Variants in IQSEC1 observed in about 807,000 individuals in gnomAD.
IQSEC1 encodes IQ motif and Sec7 domain ArfGEF 1.
In IQSEC1, 31 loss-of-function variants were observed where a neutral mutation model predicts 91.0. The ratio of observed to expected loss-of-function variants is 0.34; its 90% confidence interval spans 0.26 to 0.46. IQSEC1 has a LOEUF of 0.46. Ranked by LOEUF, IQSEC1 falls within the 20% of genes least tolerant of loss-of-function variation. The pLI, the probability that IQSEC1 is intolerant of heterozygous loss-of-function variation, is 1.00. For synonymous variants in IQSEC1, 699 were observed against 662.6 expected, an observed-to-expected ratio of 1.05 and a Z score of -0.84; for missense variants, 1,388 against 1,575.6, an observed-to-expected ratio of 0.88 and a Z score of 2.02.
intron 1 of IQSEC1, among the ~76,000 whole-genome samples, chr3:13,244,564 A>G (rs1695076690): frequency 6.6e-6 from 1 of 152,164 alleles, no homozygotes. Flanking sequence ...AACCCCAGAG[A>G]GTGGACTAGT....
intron 12 of IQSEC1, among the ~76,000 whole-genome samples, chr3:12,907,353 C>A (rs956041602): frequency 1.3e-5 from 2 of 152,124 alleles, no homozygotes; most frequent in African/African-American, 4.8e-5. Context: ...TAAGGTGGGG[C>A]AGGTGGGGCA....
intron 1 of IQSEC1, among the ~76,000 whole-genome samples, chr3:13,064,740 A>G (rs150954318): frequency 6.6e-6 from 1 of 152,388 alleles, no homozygotes; most frequent in East Asian, 1.9e-4. Context: ...TTAGATGTCA[A>G]GAGGAGTGAG....
chr3:12,928,692 G>A (rs1367624402), intron 3 of IQSEC1, among the ~76,000 whole-genome samples: 2 of 152,172 alleles, frequency 1.3e-5, no homozygotes, highest in Non-Finnish European at 2.9e-5. Context: ...ATCCACCTGT[G>A]CCCTGCCTCA....
At chr3:12,972,384 G>A (rs1272907618) in intron 1 of IQSEC1, among the ~76,000 whole-genome samples, 4 of 152,086 alleles carry the variant, frequency 2.6e-5, no homozygotes, top group Non-Finnish European at 5.9e-5. Flanking sequence ...AGGCTCTGAA[G>A]CCCACCAGAA....
chr3:13,217,223 GT>G (rs1353394489), intron 1 of IQSEC1, among the ~76,000 whole-genome samples: 1 of 152,192 alleles, frequency 6.6e-6, no homozygotes, highest in African/African-American at 2.4e-5. Flanking sequence ...GATTTACAAT[GT>G]TTTCTTCTCC....
At chr3:13,161,264 C>CT (rs1273818469) in intron 2 of IQSEC1, among the ~76,000 whole-genome samples, 1 of 152,170 alleles carries the variant, frequency 6.6e-6, no homozygotes, top group Non-Finnish European at 1.5e-5. Flanking sequence ...ACCAGGGCCA[C>CT]TGCCACAGTG....
intron 1 of IQSEC1, among the ~76,000 whole-genome samples, chr3:13,054,830 C>T (rs779929416): frequency 1.3e-4 from 20 of 152,358 alleles, no homozygotes; most frequent in Non-Finnish European, 2.2e-4. Context: ...TCGGGTCAGA[C>T]GGACCCTGTT....
chr3:13,017,723 G>A (rs1703205161), intron 1 of IQSEC1, among the ~76,000 whole-genome samples: 1 of 152,130 alleles, frequency 6.6e-6, no homozygotes, highest in African/African-American at 2.4e-5. Flanking sequence ...GCAGTCACTA[G>A]CAGAGATGGG....
At chr3:13,032,194 C>T (rs374659837) in intron 1 of IQSEC1, among the ~76,000 whole-genome samples, 1 of 152,192 alleles carries the variant, frequency 6.6e-6, no homozygotes, top group East Asian at 1.9e-4. Context: ...AAGACAAGAA[C>T]GTTTTCTGGC....
Position 13,262,826 on chromosome 3 carries a change from C to T in IQSEC1, c.272+19885G>A, listed in dbSNP as rs114465299. Among the ~76,000 whole-genome samples, 1,140 of 152,322 alleles carry T rather than the reference C, an allele frequency of 7.5e-3. 8 individuals carry two copies. The highest frequency in any genetic ancestry group is 0.023 in the African/African-American group (973 of 41,562). ...GCCACTCACAAAAGAACAAATATTGCAGGATTCTCCTTGTGTGCAGTCCCT... is the reference window on the plus strand; with the variant it reads ...GCCACTCACAAAAGAACAAATATTGTAGGATTCTCCTTGTGTGCAGTCCCT... On this transcript the variant is annotated intron_variant, in intron 1 of 15. Coordinates refer to the IQSEC1 transcript ENST00000648114.
At chr3:13,072,848 T>C in intron 1 of IQSEC1, 144 bp downstream of exon 1, 1 of 698,722 alleles carries the variant, frequency 1.4e-6, no homozygotes, top group Non-Finnish European at 2.5e-6. Flanking sequence ...AGCGCCGGCA[T>C]CCCTGCTGGG....
At chr3:13,068,579 A>G (rs2125105838) in intron 1 of IQSEC1, among the ~76,000 whole-genome samples, 1 of 152,190 alleles carries the variant, frequency 6.6e-6, no homozygotes, top group East Asian at 1.9e-4. Context: ...TTCCAGCATG[A>G]CGATGTGACT....
chr3:13,277,473 A>C (rs2125154624), intron 1 of IQSEC1, among the ~76,000 whole-genome samples: 1 of 152,328 alleles, frequency 6.6e-6, no homozygotes, highest in East Asian at 1.9e-4. Context: ...CCAGGTTGTA[A>C]AATAATAATT....
At chr3:12,916,895 G>A (rs1471672355) in intron 6 of IQSEC1, among the ~76,000 whole-genome samples, 1 of 152,168 alleles carries the variant, frequency 6.6e-6, no homozygotes, top group Non-Finnish European at 1.5e-5. Flanking sequence ...AAAGCAAGGT[G>A]CAAAGTAGCA....
At chr3:12,915,763 G>C (rs748643056) in intron 6 of IQSEC1, 30 bp from the exon 7 acceptor site, 1 of 1,610,296 alleles carries the variant, frequency 6.2e-7, no homozygotes, top group African/African-American at 1.3e-5. Context: ...GGATATCAGG[G>C]TGGGCCCCAG....
At chr3:13,166,699 C>T (rs1287820939) in intron 1 of IQSEC1, among the ~76,000 whole-genome samples, 2 of 152,226 alleles carry the variant, frequency 1.3e-5, no homozygotes, top group Non-Finnish European at 2.9e-5. Flanking sequence ...TGAGGATGTG[C>T]TGACCTGTGG....
At chr3:13,204,478 C>T (rs1010548852) in intron 1 of IQSEC1, among the ~76,000 whole-genome samples, 3 of 152,268 alleles carry the variant, frequency 2.0e-5, no homozygotes, top group Admixed American at 2.0e-4. Context: ...TGCTCTTAAC[C>T]TTGGCTCCCA....
At chr3:13,237,588 G>A (rs191044680) in intron 1 of IQSEC1, among the ~76,000 whole-genome samples, 2 of 152,182 alleles carry the variant, frequency 1.3e-5, no homozygotes, top group Non-Finnish European at 2.9e-5. Context: ...GCACTTCCCC[G>A]CCATGTTTTC....
intron 1 of IQSEC1, among the ~76,000 whole-genome samples, chr3:13,050,289 A>G (rs933903963): frequency 6.6e-6 from 1 of 151,994 alleles, no homozygotes; most frequent in Non-Finnish European, 1.5e-5. Context: ...AGCAGTGCAC[A>G]GGCCAGGAAC....
Sources: gnomAD v4.1 joint callset for allele counts (sites outside exome capture counted in the v4.1 genomes callset) on GRCh38, gnomAD v4.1.1 for gene constraint, MANE v1.5 for transcripts, NCBI Gene and HGNC (gene_info 2026-07-23, HGNC 2026-07-21) for gene names.